Variants in ESR1 observed in about 807,000 individuals in gnomAD.
ESR1 encodes the protein estrogen receptor 1, also known as estrogen receptor.
In ESR1, 12 loss-of-function variants were observed where a neutral mutation model predicts 52.7. The observed-to-expected ratio is 0.23, with a 90% CI of 0.15 to 0.37. ESR1 has a LOEUF of 0.37. ESR1 is among the 10% of genes least tolerant of loss of function. ESR1 has a pLI of 1.00. For synonymous variants in ESR1, 305 were observed against 316.8 expected (o/e 0.96, Z 0.39); for missense variants, 584 against 779.7 (o/e 0.75, Z 2.99).
chr6:152,022,256 G>A (rs1250657809), intron 5 of ESR1, among the ~76,000 whole-genome samples: 1 of 152,146 alleles, frequency 6.6e-6, no homozygotes, highest in Non-Finnish European at 1.5e-5. Context: ...TGGAAAGGAA[G>A]ATTTCCAGAT....
At position 151,899,340 on chromosome 6, in the gene ESR1, A is replaced by G. The variant is rs868736729; in HGVS notation, c.760+18569A>G. Among the ~76,000 whole-genome samples, 356 of 61,706 alleles carry G rather than the reference A, an allele frequency of 5.8e-3. 1 individual carries two copies. Among genetic ancestry groups the G allele is most frequent in the African/African-American group, 0.012 (135 of 11,368 alleles). The allele number at this position is 61,706 out of a possible 152,430, so 40.5% of individuals were successfully genotyped here. On this transcript the variant is annotated intron_variant, in intron 3 of 7. Transcript: ENST00000206249. The stretch of plus-strand genomic sequence containing the variant: ...TCCCTCCCGGACGGGGCGGCTGGCC[A>G]GGCGGGGGGCTGACCCCCCCACCTC...
chr6:152,078,555 G>A (rs35498177), intron 6 of ESR1, among the ~76,000 whole-genome samples: 32,119 of 152,098 alleles, frequency 0.21, 4,794 homozygotes, highest in African/African-American at 0.41. Context: ...CAGCGAGATC[G>A]AAGCAGAAGG....
intron 2 of ESR1, among the ~76,000 whole-genome samples, chr6:151,851,893 G>C (rs573958800): frequency 6.6e-6 from 1 of 152,212 alleles, no homozygotes; most frequent in Non-Finnish European, 1.5e-5. Context: ...AGAAGGGAAA[G>C]AATCAAAGCG....
intron 2 of ESR1, among the ~76,000 whole-genome samples, chr6:151,735,497 G>C (rs1365508261): frequency 6.6e-6 from 1 of 152,118 alleles, no homozygotes; most frequent in East Asian, 1.9e-4. Context: ...CAAATGAGAT[G>C]GTCCCCTCCT....
chr6:152,106,040 G>A (rs566139599), downstream of ESR1, among the ~76,000 whole-genome samples: 30 of 151,616 alleles, frequency 2.0e-4, no homozygotes, highest in African/African-American at 6.8e-4. Flanking sequence ...TGATCCACCC[G>A]CCTCGGCCTC....
At chr6:151,786,472 C>A (rs1332929501) in intron 2 of ESR1, among the ~76,000 whole-genome samples, 1 of 152,150 alleles carries the variant, frequency 6.6e-6, no homozygotes, top group Non-Finnish European at 1.5e-5. Flanking sequence ...TGGACTTAAT[C>A]TAGAGAGTCA....
rs2050882074 is a variant in ESR1 at position 152,099,409 on chromosome 6, G to A, written c.*443G>A. 3.1e-6 allele frequency: 1 copy of A among 317,888 alleles called. No homozygotes were observed. Among genetic ancestry groups the A allele is most frequent in the African/African-American group, 2.1e-5 (1 of 48,590 alleles). 19.7% of individuals were successfully genotyped at this position (317,888 alleles called of 1,614,324 possible). A position where few individuals can be genotyped will look rare whatever the true frequency, so the allele number is the denominator to read the frequency against. On this transcript the variant is annotated 3_prime_UTR_variant, in exon 8 of 8. Transcript: ENST00000206249. ...GAATTTAAAGTGGCTCCTTTAATTG[G>A]TGACTTGGAGAAAGCTAGGTCAAGG...
At chr6:151,681,612 G>T (rs1202083554) in intron 1 of ESR1, among the ~76,000 whole-genome samples, 1 of 152,118 alleles carries the variant, frequency 6.6e-6, no homozygotes, top group Non-Finnish European at 1.5e-5. Flanking sequence ...CATTCTCTTC[G>T]TCCCCAATGT....
At chr6:152,022,692 C>T (rs1251609068) in intron 5 of ESR1, among the ~76,000 whole-genome samples, 2 of 152,026 alleles carry the variant, frequency 1.3e-5, no homozygotes, top group East Asian at 3.9e-4. Flanking sequence ...AAAGGATGGG[C>T]CGGGTGCAGT....
chr6:151,944,957 T>A (rs1392037476), intron 4 of ESR1, among the ~76,000 whole-genome samples: 2 of 152,252 alleles, frequency 1.3e-5, no homozygotes, highest in Non-Finnish European at 2.9e-5. Flanking sequence ...GGCTCGTGCC[T>A]GTAATCCTAG....
rs569517295 is a variant in ESR1 at position 151,726,917 on chromosome 6, G to A, written c.-71+24912G>A. Among the ~76,000 whole-genome samples the A allele has an allele frequency of 9.2e-5, 14 of 152,126 alleles. No homozygotes were observed. In the South Asian group the frequency reaches 2.7e-3, roughly 29 times the overall value. On this transcript the variant is annotated intron_variant, in intron 2 of 2. Coordinates refer to the ESR1 transcript ENST00000404742. ...CAATGGGAAGAAAAAGTGATGGTGG[G>A]CATTCTTTTCTCACTCCTGATCGCA...
chr6:151,789,467 A>G (rs1376504043), intron 2 of ESR1, among the ~76,000 whole-genome samples: 6 of 152,210 alleles, frequency 3.9e-5, no homozygotes, highest in African/African-American at 1.4e-4. Context: ...TATCAGTTAT[A>G]GGATCCATTT....
At chr6:151,919,840 AAAG>A (rs904876221) in intron 3 of ESR1, among the ~76,000 whole-genome samples, 3 of 152,214 alleles carry the variant, frequency 2.0e-5, no homozygotes, top group Non-Finnish European at 2.9e-5. Flanking sequence ...GCAAGGAAGA[AAAG>A]AAGACACATG....
chr6:151,662,642 G>T (rs1196592972), intron 1 of ESR1, among the ~76,000 whole-genome samples: 1 of 152,196 alleles, frequency 6.6e-6, no homozygotes, highest in African/African-American at 2.4e-5. Flanking sequence ...CCACAGGCGA[G>T]AAAGTGGCAG....
rs1256944384 is a variant in ESR1 at position 151,669,189 on chromosome 6, AT to A, written n.73+12427del. Reference sequence around the variant, plus strand: ...GAGAGAGAGAGAGAGAGAGAGAGAGATGGGAATCCAGGGGAGAACAGAACAA... The same window carrying A: ...GAGAGAGAGAGAGAGAGAGAGAGAGAGGGAATCCAGGGGAGAACAGAACAA... On this transcript the variant is annotated intron_variant and non_coding_transcript_variant, in intron 1 of 2. Coordinates refer to the ESR1 transcript ENST00000473497. Among the ~76,000 whole-genome samples the A allele has an allele frequency of 3.5e-3, 302 of 86,940 alleles. 24 individuals are homozygous for A. Among genetic ancestry groups the A allele is most frequent in the Middle Eastern group, 6.8e-3 (1 of 146 alleles). 57.0% of individuals were successfully genotyped at this position (86,940 alleles called of 152,430 possible). A position where few individuals can be genotyped will look rare whatever the true frequency, so the allele number is the denominator to read the frequency against.
rs558090146 is a variant in ESR1 at position 151,915,699 on chromosome 6, C to A, written c.761-28474C>A. Among the ~76,000 whole-genome samples the A allele has an allele frequency of 2.6e-5, 4 of 152,268 alleles. No individual in the cohort carries two copies. In the East Asian group the frequency reaches 7.7e-4, roughly 29 times the overall value. ...TCTGATGAGTTACCTAGGACTTCAA[C>A]TGTTTTTATAGATTTAAAGAAAATA... On this transcript the variant is annotated intron_variant, in intron 3 of 7. Coordinates refer to ENST00000206249, the MANE Select transcript of ESR1 (RefSeq NM_000125.4).
intron 2 of ESR1, among the ~76,000 whole-genome samples, chr6:151,850,027 A>T (rs1213969626): frequency 1.2e-4 from 8 of 68,762 alleles, no homozygotes; most frequent in African/African-American, 4.2e-4. Flanking sequence ...TATATACAAA[A>T]TTATATATAT....
At chr6:151,846,500 G>A (rs1255142071) in intron 2 of ESR1, among the ~76,000 whole-genome samples, 5 of 152,178 alleles carry the variant, frequency 3.3e-5, no homozygotes. Context: ...GATGGTGAAG[G>A]GTCTGACACG....
intron 3 of ESR1, among the ~76,000 whole-genome samples, chr6:151,891,789 C>T (rs1045574440): frequency 2.6e-5 from 4 of 152,118 alleles, no homozygotes; most frequent in Middle Eastern, 3.4e-3. Flanking sequence ...GGAAATGTTA[C>T]GGTGGGCACA....
Sources: gnomAD v4.1 joint callset for allele counts (sites outside exome capture counted in the v4.1 genomes callset) on GRCh38, gnomAD v4.1.1 for gene constraint, MANE v1.5 for transcripts, NCBI Gene and HGNC (gene_info 2026-07-23, HGNC 2026-07-21) for gene names.